Variants in MLF1 observed in about 807,000 individuals in gnomAD.
The protein encoded by MLF1 is myeloid leukemia factor 1, also known as myelodysplasia-myeloid leukemia factor 1.
In MLF1, 37 loss-of-function variants were observed where a neutral mutation model predicts 38.3. That is an observed-to-expected ratio of 0.96 (90% CI 0.74 to 1.27). The LOEUF is 1.27. Ranked by LOEUF, MLF1 falls within the 50% of genes most tolerant of loss-of-function variation. The probability of loss-of-function intolerance (pLI) is 0.00; values close to 1 mark genes in which losing one functional copy is unlikely to be tolerated. For missense variants in MLF1, 331 were observed against 349.2 expected (o/e 0.95, Z 0.42); for synonymous variants, 95 against 106.5 (o/e 0.89, Z 0.66).
At chr3:158,592,338 A>G (rs1718272961) in intron 1 of MLF1, 96 bp from the exon 2 acceptor site, 1 of 1,073,720 alleles carries the variant, frequency 9.3e-7, no homozygotes, top group Non-Finnish European at 1.3e-6. Context: ...TCTAACAAAC[A>G]TATTAGCCCA....
At chr3:158,604,147 T>C (rs1010621298) in intron 7 of MLF1, among the ~76,000 whole-genome samples, 5 of 152,254 alleles carry the variant, frequency 3.3e-5, no homozygotes, top group African/African-American at 9.6e-5. Flanking sequence ...TTTAGGAATT[T>C]AGAGCCCTAG....
intron 7 of MLF1, among the ~76,000 whole-genome samples, chr3:158,604,109 G>A (rs1720182247): frequency 6.6e-6 from 1 of 152,192 alleles, no homozygotes; most frequent in African/African-American, 2.4e-5. Flanking sequence ...AATTTCATAT[G>A]CTAGGATCTT....
chr3:158,578,391 G>T (rs1715793152), intron 1 of MLF1, among the ~76,000 whole-genome samples: 1 of 151,922 alleles, frequency 6.6e-6, no homozygotes, highest in Admixed American at 6.6e-5. Flanking sequence ...GTGTGTGTGT[G>T]TGTGTGTGTG....
intron 1 of MLF1, among the ~76,000 whole-genome samples, chr3:158,578,830 G>C (rs1715881899): frequency 6.6e-6 from 1 of 152,036 alleles, no homozygotes; most frequent in Non-Finnish European, 1.5e-5. Context: ...TAGAAAGTTT[G>C]GTAGCAGAAA....
At chr3:158,578,814 A>G (rs569790846) in intron 1 of MLF1, among the ~76,000 whole-genome samples, 1 of 152,272 alleles carries the variant, frequency 6.6e-6, no homozygotes, top group South Asian at 2.1e-4. Context: ...GAAAATCTGA[A>G]AAGTATAGAA....
chr3:158,595,681 T>C (rs940976486), intron 3 of MLF1, among the ~76,000 whole-genome samples: 1 of 152,170 alleles, frequency 6.6e-6, no homozygotes, highest in Non-Finnish European at 1.5e-5. Flanking sequence ...AATGTGCCTT[T>C]GTTGTTCCCT....
At chr3:158,578,093 A>G (rs1035711976) in intron 1 of MLF1, among the ~76,000 whole-genome samples, 5 of 152,120 alleles carry the variant, frequency 3.3e-5, no homozygotes, top group African/African-American at 4.8e-5. Context: ...TGTTACATGC[A>G]TTATTTCTAG....
chr3:158,605,428 A>C lies in MLF1; in HGVS notation c.*226A>C. ...GTAAATTGAGTCTATTTAATGTAAAACTCTTTAAAACATACTAATTTTTTA... is the reference window on the plus strand; with the variant it reads ...GTAAATTGAGTCTATTTAATGTAAACCTCTTTAAAACATACTAATTTTTTA... On this transcript the variant is annotated 3_prime_UTR_variant, in exon 8 of 8. Coordinates refer to ENST00000466246, the MANE Select transcript of MLF1 (RefSeq NM_001369783.1). 1 of 345,058 alleles carries C rather than the reference A, an allele frequency of 2.9e-6. No individual in the cohort carries two copies. 21.4% of individuals were successfully genotyped at this position (345,058 alleles called of 1,614,324 possible). A position where few individuals can be genotyped will look rare whatever the true frequency, so the allele number is the denominator to read the frequency against.
intron 1 of MLF1, among the ~76,000 whole-genome samples, chr3:158,590,336 C>T (rs1717934182): frequency 6.6e-6 from 1 of 152,122 alleles, no homozygotes; most frequent in African/African-American, 2.4e-5. Flanking sequence ...CTATATTTCA[C>T]CAAGAATGCA....
At chr3:158,580,815 A>G (rs1456908438) in intron 1 of MLF1, among the ~76,000 whole-genome samples, 3 of 142,960 alleles carry the variant, frequency 2.1e-5, no homozygotes, top group Non-Finnish European at 3.1e-5. Context: ...TTATCCAGGC[A>G]TGGTAGTGCA....
At chr3:158,585,037 G>GAAAAAAAAAAAA (rs59014137) in intron 1 of MLF1, among the ~76,000 whole-genome samples, 1 of 88,840 alleles carries the variant, frequency 1.1e-5, no homozygotes, top group Non-Finnish European at 2.3e-5. Context: ...GACTCTGTCT[G>GAAAAAAAAAAAA]AAAAAAAAAA....
chr3:158,584,873 C>CA (rs1716987926), intron 1 of MLF1, among the ~76,000 whole-genome samples: 4 of 150,986 alleles, frequency 2.6e-5, no homozygotes, highest in South Asian at 2.1e-4. Flanking sequence ...CCTATCTCTA[C>CA]AAAAAAATAC....
rs370520336 is a variant in MLF1 at position 158,604,781 on chromosome 3, C to T, written c.747-316C>T. Among the ~76,000 whole-genome samples the T allele has an allele frequency of 4.8e-4, 73 of 152,268 alleles. No homozygotes were observed. In the South Asian group the frequency reaches 0.012, roughly 25 times the overall value. On this transcript the variant is annotated intron_variant, in intron 7 of 7. Transcript: ENST00000466246. ...TCAGGCAATCCTCCTGCTTCAGCCT[C>T]CTGAGTAGCTGGGACTACAGGCGCG...
At chr3:158,590,254 A>G (rs1451847970) in intron 1 of MLF1, among the ~76,000 whole-genome samples, 1 of 152,238 alleles carries the variant, frequency 6.6e-6, no homozygotes, top group African/African-American at 2.4e-5. Flanking sequence ...AATGACAAAT[A>G]ATACAAAATA....
At position 158,596,949 on chromosome 3, in the gene MLF1, A is replaced by T; in HGVS notation, c.324+4A>T. 6.4e-7 allele frequency: 1 copy of T among 1,564,412 alleles called. No individual in the cohort carries two copies. Reference sequence around the variant, plus strand: ...GCAGAAATTAGAAAGAAACTTCGTAAGTACTAAAAACAAAGCATTGAGAAC... The same window carrying T: ...GCAGAAATTAGAAAGAAACTTCGTATGTACTAAAAACAAAGCATTGAGAAC... On this transcript the variant is annotated splice_donor_region_variant and intron_variant, in intron 4 of 7. Transcript: ENST00000466246.
At chr3:158,592,385 A>G (rs374272783) in intron 1 of MLF1, 49 bp from the exon 2 acceptor site, 15 of 1,524,270 alleles carry the variant, frequency 9.8e-6, no homozygotes, top group Non-Finnish European at 1.3e-5. Flanking sequence ...CCTACTTACT[A>G]TTTAAACTCC....
At chr3:158,601,161 A>G (rs1463276979) in intron 6 of MLF1, among the ~76,000 whole-genome samples, 2 of 152,154 alleles carry the variant, frequency 1.3e-5, no homozygotes, top group Non-Finnish European at 2.9e-5. Context: ...CTGGCCGGGC[A>G]CGGTGGCTCA....
At chr3:158,577,859 T>G (rs930458425) in intron 1 of MLF1, among the ~76,000 whole-genome samples, 3 of 152,194 alleles carry the variant, frequency 2.0e-5, no homozygotes, top group African/African-American at 7.2e-5. Flanking sequence ...GAACTATTTA[T>G]AGAATATCAG....
At chr3:158,597,282 A>G (rs558172042) in intron 4 of MLF1, among the ~76,000 whole-genome samples, 1 of 152,254 alleles carries the variant, frequency 6.6e-6, no homozygotes, top group African/African-American at 2.4e-5. Flanking sequence ...AAATAACCTC[A>G]AAAACATTGA....
Sources: allele counts gnomAD v4.1 joint callset (sites outside exome capture counted in the v4.1 genomes callset), GRCh38; gene constraint gnomAD v4.1.1; transcripts MANE v1.5; gene names NCBI Gene and HGNC (gene_info 2026-07-23, HGNC 2026-07-21).